Variants in CUL3 observed in about 807,000 individuals in gnomAD.
CUL3 encodes the protein cullin-3.
In CUL3, 19 loss-of-function variants were observed where a neutral mutation model predicts 89.1. That is an observed-to-expected ratio of 0.21 (90% CI 0.15 to 0.31). The LOEUF (loss-of-function observed/expected upper bound fraction) is 0.31. CUL3 is among the 10% of genes least tolerant of loss of function. The probability of loss-of-function intolerance (pLI) is 1.00; values close to 1 mark genes in which losing one functional copy is unlikely to be tolerated. For synonymous variants in CUL3, 351 were observed against 308.4 expected (o/e 1.14, Z -1.45); for missense variants, 469 against 942.3 (o/e 0.50, Z 6.58).
intron 1 of CUL3, among the ~76,000 whole-genome samples, chr2:224,580,362 T>C (rs1400540552): frequency 6.6e-6 from 1 of 152,244 alleles, no homozygotes; most frequent in Non-Finnish European, 1.5e-5. Flanking sequence ...TTATAACTTC[T>C]ACAGACAATG....
At chr2:224,563,057 A>G (rs1694952266) in intron 1 of CUL3, 1 of 357,060 alleles carries the variant, frequency 2.8e-6, no homozygotes, top group East Asian at 7.7e-5. Flanking sequence ...AAAGTGCCCA[A>G]TGATAGAATC....
At chr2:224,488,523 G>A (rs1273357241) in intron 13 of CUL3, among the ~76,000 whole-genome samples, 1 of 152,134 alleles carries the variant, frequency 6.6e-6, no homozygotes. Context: ...TGGAAGAAAT[G>A]CATAAATTCC....
rs1444067843 is a variant in CUL3 at position 224,473,749 on chromosome 2, T to TTTAAAA, written c.*490_*495dup. 1 of 185,030 alleles carries TTTAAAA rather than the reference T, an allele frequency of 5.4e-6. No individual in the cohort carries two copies. Among genetic ancestry groups the TTTAAAA allele is most frequent in the African/African-American group, 2.3e-5 (1 of 42,642 alleles). The allele number at this position is 185,030 out of a possible 1,614,324, so 11.5% of individuals were successfully genotyped here. On this transcript the variant is annotated 3_prime_UTR_variant, in exon 16 of 16. Transcript: ENST00000264414. ...TGGGTCTTTGTATATTTATCAAACC[T>TTTAAAA]TTAAAATTAAATAAGACTAGCTAAA...
intron 2 of CUL3, among the ~76,000 whole-genome samples, chr2:224,546,518 G>A (rs1340253341): frequency 6.6e-6 from 1 of 152,076 alleles, no homozygotes; most frequent in Non-Finnish European, 1.5e-5. Context: ...CATTTTGACT[G>A]CTGGTAGTAT....
At chr2:224,497,552 T>C (rs1000939365) in intron 12 of CUL3, among the ~76,000 whole-genome samples, 1 of 152,170 alleles carries the variant, frequency 6.6e-6, no homozygotes, top group Non-Finnish European at 1.5e-5. Flanking sequence ...TATACTGGTA[T>C]AGTCTTCATA....
chr2:224,539,668 T>G (rs1182824165), intron 2 of CUL3, among the ~76,000 whole-genome samples: 1 of 151,886 alleles, frequency 6.6e-6, no homozygotes, highest in Non-Finnish European at 1.5e-5. Flanking sequence ...AGAGATAACT[T>G]AAACGCATAT....
intron 1 of CUL3, among the ~76,000 whole-genome samples, chr2:224,559,882 G>A (rs1279956172): frequency 6.6e-6 from 1 of 152,140 alleles, no homozygotes; most frequent in Non-Finnish European, 1.5e-5. Context: ...AGGGTTTCAA[G>A]ACCAGGTTGG....
At chr2:224,556,640 T>C (rs1694715907) in intron 2 of CUL3, among the ~76,000 whole-genome samples, 1 of 152,104 alleles carries the variant, frequency 6.6e-6, no homozygotes, top group Admixed American at 6.6e-5. Flanking sequence ...GGACAATTGG[T>C]GAAATCTGAA....
At chr2:224,513,069 T>C (rs762351587) in intron 5 of CUL3, among the ~76,000 whole-genome samples, 2 of 152,268 alleles carry the variant, frequency 1.3e-5, no homozygotes, top group Admixed American at 6.5e-5. Flanking sequence ...TTCCGTGTAA[T>C]GGTGTTAATA....
In CUL3 at chr2:224,526,585, C is replaced by CAAAAA. The variant is rs1166152595; in HGVS notation, c.378+8938_378+8942dup. Among the ~76,000 whole-genome samples, 231 of 25,366 alleles carry CAAAAA rather than the reference C, an allele frequency of 9.1e-3. 6 individuals carry two copies. The highest frequency in any genetic ancestry group is 0.018 in the Non-Finnish European group (147 of 8,174). 16.6% of individuals were successfully genotyped at this position (25,366 alleles called of 152,430 possible). ...TGGGCGACAGAGGGAGACTCCGTCT[C>CAAAAA]AAAAAAAAAAAAAAAAAAAAAAAAA... On this transcript the variant is annotated intron_variant, in intron 3 of 15. Transcript: ENST00000264414.
chr2:224,531,974 A>G (rs1026675514), intron 3 of CUL3, among the ~76,000 whole-genome samples: 1 of 152,224 alleles, frequency 6.6e-6, no homozygotes, highest in Non-Finnish European at 1.5e-5. Context: ...CAGACAATAA[A>G]GAGAAAACTG....
In CUL3 at chr2:224,499,776, G is replaced by A. The variant is rs545740877; in HGVS notation, c.1610+587C>T. Reference sequence around the variant, plus strand: ...CACCTTAGGCTGCTCGATGAAGGGGGTGATACACTCATCTTCATCCCTAGT... The same window carrying A: ...CACCTTAGGCTGCTCGATGAAGGGGATGATACACTCATCTTCATCCCTAGT... On this transcript the variant is annotated intron_variant, in intron 11 of 15. Transcript: ENST00000264414. 10 of 212,590 alleles carry A rather than the reference G, an allele frequency of 4.7e-5. No homozygotes were observed. The East Asian group carries it at 1.0e-3, about 21-fold the overall frequency. 13.2% of individuals were successfully genotyped at this position (212,590 alleles called of 1,614,324 possible).
In CUL3 at chr2:224,500,493, T is replaced by TA; in HGVS notation, c.1486-7dup. On this transcript the variant is annotated splice_region_variant and splice_polypyrimidine_tract_variant and intron_variant, in intron 10 of 15. Coordinates refer to ENST00000264414, the MANE Select transcript of CUL3 (RefSeq NM_003590.5). ...TCAACACCACCTAAAGATACCTATG[T>TA]AAAACAGAAAGAGATATTCCCCTCA... 6.2e-7 allele frequency: 1 copy of TA among 1,613,510 alleles called. No homozygotes were observed. The highest frequency in any genetic ancestry group is 1.1e-5 in the South Asian group (1 of 91,022).
intron 1 of CUL3, among the ~76,000 whole-genome samples, chr2:224,577,430 G>A (rs190948042): frequency 1.3e-5 from 2 of 152,190 alleles, no homozygotes; most frequent in Admixed American, 6.5e-5. Context: ...TTAGCCAGGC[G>A]TGGTGGCAGG....
chr2:224,480,814 T>G (rs1162616306), intron 14 of CUL3, among the ~76,000 whole-genome samples: 1 of 152,144 alleles, frequency 6.6e-6, no homozygotes, highest in Non-Finnish European at 1.5e-5. Flanking sequence ...GAAAAATAAA[T>G]TTTATTCCAT....
chr2:224,542,830 T>C (rs1005895668), intron 2 of CUL3, among the ~76,000 whole-genome samples: 1 of 152,164 alleles, frequency 6.6e-6, no homozygotes, highest in Non-Finnish European at 1.5e-5. Flanking sequence ...GAAAGGAGGA[T>C]GACAGGAGAC....
intron 1 of CUL3, among the ~76,000 whole-genome samples, chr2:224,561,897 A>G (rs1574698502): frequency 1.3e-5 from 2 of 149,950 alleles, no homozygotes; most frequent in East Asian, 4.2e-4. Context: ...GACATTGAGT[A>G]ACAAATAGAT....
intron 1 of CUL3, among the ~76,000 whole-genome samples, chr2:224,561,895 G>A (rs1694913012): frequency 1.3e-5 from 2 of 149,746 alleles, no homozygotes; most frequent in Non-Finnish European, 3.0e-5. Flanking sequence ...TTGACATTGA[G>A]TAACAAATAG....
chr2:224,505,632 C>T (rs1450952340), intron 8 of CUL3: 1 of 163,548 alleles, frequency 6.1e-6, no homozygotes, highest in East Asian at 1.6e-4. Flanking sequence ...GATGGAGTCT[C>T]ACTAAGTTAA....
Sources: allele counts gnomAD v4.1 joint callset (sites outside exome capture counted in the v4.1 genomes callset), GRCh38; gene constraint gnomAD v4.1.1; transcripts MANE v1.5; gene names NCBI Gene and HGNC (gene_info 2026-07-23, HGNC 2026-07-21).